PNLIPRP1: variants seen among roughly 807,000 people sequenced by gnomAD.
PNLIPRP1 encodes the protein inactive pancreatic lipase-related protein 1.
Under a neutral mutation model 54.6 loss-of-function variants are expected in PNLIPRP1, and 57 were observed. The ratio of observed to expected loss-of-function variants is 1.04; its 90% CI spans 0.84 to 1.30. The LOEUF is 1.30. PNLIPRP1 is among the 50% of genes most tolerant of loss of function. The probability of loss-of-function intolerance (pLI) is 0.00; values close to 1 mark genes in which losing one functional copy is unlikely to be tolerated. For missense variants in PNLIPRP1, 567 were observed against 568.5 expected (o/e 1.00, Z 0.03); for synonymous variants, 232 against 208.8 (o/e 1.11, Z -0.96).
chr10:116,597,992 T>C (rs782081480), intron 7 of PNLIPRP1, 45 bp downstream of exon 7: 2 of 1,614,170 alleles, frequency 1.2e-6, no homozygotes, highest in East Asian at 4.5e-5. Flanking sequence ...CAACTGTGTT[T>C]TAACCATGAA....
intron 12 of PNLIPRP1, 84 bp downstream of exon 12, chr10:116,605,637 A>C (rs1554865505): frequency 9.4e-7 from 1 of 1,060,868 alleles, no homozygotes; most frequent in East Asian, 2.6e-5. Flanking sequence ...AGTTACGTGT[A>C]GTTAAGCAAG....
At chr10:116,607,694 G>A (rs140816283) in intron 12 of PNLIPRP1, among the ~76,000 whole-genome samples, 1 of 152,314 alleles carries the variant, frequency 6.6e-6, no homozygotes, top group African/African-American at 2.4e-5. Context: ...AGGAAATGGG[G>A]CAAAGCTTCC....
At chr10:116,608,934 G>A (rs919261594) in intron 12 of PNLIPRP1, 119 bp from the exon 13 acceptor site, 2 of 792,392 alleles carry the variant, frequency 2.5e-6, no homozygotes, top group Admixed American at 3.6e-5. Flanking sequence ...CATCAACTGT[G>A]ACCTGGGCTT....
Position 116,604,048 on chromosome 10 carries a change from C to T in PNLIPRP1, c.1082C>T (p.Ser361Phe). ...TGTGCAGGCTGGAGATATGGGGTTT[C>T]CATCACACTGTCTGGAAGAACAGCC... ...SNFARWRYGV[S>F]ITLSGRTATG... The change falls in exon 11 of 13, where the codon TCC becomes TTC. Residue 361 changes from serine to phenylalanine, a missense_variant. By Grantham distance (155) the Ser-to-Phe change is radical. Coordinates refer to ENST00000358834, the MANE Select transcript of PNLIPRP1 (RefSeq NM_006229.4). The T allele has an allele frequency of 1.2e-6, 2 of 1,612,932 alleles. No homozygotes were observed. The highest frequency in any genetic ancestry group is 2.2e-5 in the South Asian group (2 of 90,986).
intron 5 of PNLIPRP1, 123 bp from the exon 6 acceptor site, chr10:116,596,091 G>A (rs1380149280): frequency 4.3e-6 from 3 of 704,426 alleles, no homozygotes; most frequent in Non-Finnish European, 5.1e-6. Context: ...ATGAGTTTGG[G>A]CTTGATCCTG....
chr10:116,607,217 C>G (rs1554865679), intron 12 of PNLIPRP1, among the ~76,000 whole-genome samples: 1 of 151,084 alleles, frequency 6.6e-6, no homozygotes, highest in Non-Finnish European at 1.5e-5. Flanking sequence ...CTCTTTATTT[C>G]TCCGTCCCCC....
intron 7 of PNLIPRP1, 29 bp downstream of exon 7, chr10:116,597,976 C>T (rs1274106643): frequency 2.5e-6 from 4 of 1,614,034 alleles, no homozygotes; most frequent in Non-Finnish European, 1.7e-6. Flanking sequence ...CAGCTGTGAG[C>T]ACGCACAACT....
chr10:116,602,720 T>G (rs1847867827), intron 10 of PNLIPRP1, among the ~76,000 whole-genome samples: 1 of 152,092 alleles, frequency 6.6e-6, no homozygotes, highest in Admixed American at 6.5e-5. Context: ...TGTACATCTG[T>G]GCACATGTGT....
In PNLIPRP1 at chr10:116,601,074, C is replaced by T. The variant is rs1847829151; in HGVS notation, c.936C>T (p.Asp312=). Reference sequence around the variant, plus strand: ...TCCCATCTATCTCTTCTCATTAGGACAAGTGCTTCCCGTGTCCAGATCAAG... The same window carrying T: ...TCCCATCTATCTCTTCTCATTAGGATAAGTGCTTCCCGTGTCCAGATCAAG... ...PCTSYKSFES[D]KCFPCPDQGC... Residue 312 remains aspartate, a splice_region_variant and synonymous_variant, in exon 10 of 13, where the codon GAC becomes GAT. Transcript: ENST00000358834. The T allele has an allele frequency of 2.5e-6, 4 of 1,610,864 alleles. No homozygotes were observed. In the Admixed American group the frequency reaches 5.1e-5, roughly 20 times the overall value.
intron 10 of PNLIPRP1, 49 bp from the exon 11 acceptor site, chr10:116,603,981 C>A: frequency 9.2e-7 from 1 of 1,085,196 alleles, no homozygotes; most frequent in East Asian, 2.4e-5. Flanking sequence ...GGGATGTAGG[C>A]TACTTATTTT....
chr10:116,604,014 T>C lies in PNLIPRP1; in HGVS notation c.1064-16T>C, dbSNP rs782400842. 5 of 1,532,438 alleles carry C rather than the reference T, an allele frequency of 3.3e-6. No homozygotes were observed. Among genetic ancestry groups the C allele is most frequent in the Non-Finnish European group, 4.5e-6 (5 of 1,109,156 alleles). The allele number at this position is 1,532,438 out of a possible 1,614,324, so 94.9% of individuals were successfully genotyped here. On this transcript the variant is annotated splice_polypyrimidine_tract_variant and intron_variant, in intron 10 of 12. Transcript: ENST00000358834. ...TTTGTGTGTGAATAAATTGAACTCT[T>C]CCATCTCCTGTGCAGGCTGGAGATA...
chr10:116,591,643 T>G, intron 2 of PNLIPRP1, 128 bp from the exon 3 acceptor site: 4 of 892,836 alleles, frequency 4.5e-6, no homozygotes, highest in African/African-American at 1.7e-5. Flanking sequence ...GTGGGAGGGG[T>G]TGCAGTAGGT....
chr10:116,592,529 A>C lies in PNLIPRP1; in HGVS notation c.318A>C (p.Thr106=). 4 of 1,614,204 alleles carry C rather than the reference A, an allele frequency of 2.5e-6. No individual in the cohort carries two copies. Among genetic ancestry groups the C allele is most frequent in the Non-Finnish European group, 3.4e-6 (4 of 1,180,026 alleles). ...ACAAAGGAGATGAGAGCTGGGTGAC[A>C]GACATGTGCAAGGTAGGAGCCAGCT... ...FIDKGDESWV[T]DMCKKLFEVE... is the part of the protein sequence containing the mutation. The change falls in exon 4 of 13, where the codon ACA becomes ACC. Residue 106 remains threonine, a synonymous_variant. Transcript: ENST00000358834.
At chr10:116,603,986 T>A in intron 10 of PNLIPRP1, 44 bp from the exon 11 acceptor site, 1 of 1,196,726 alleles carries the variant, frequency 8.4e-7, no homozygotes, top group Admixed American at 1.8e-5. Context: ...GTAGGCTACT[T>A]ATTTTGTGTG....
chr10:116,593,378 CCTTT>C (rs1195892090), intron 4 of PNLIPRP1, among the ~76,000 whole-genome samples: 1 of 152,094 alleles, frequency 6.6e-6, no homozygotes, highest in Non-Finnish European at 1.5e-5. Flanking sequence ...ATACCATCAT[CCTTT>C]CTATTTATGT....
At chr10:116,608,451 G>A (rs530707148) in intron 12 of PNLIPRP1, among the ~76,000 whole-genome samples, 1 of 152,308 alleles carries the variant, frequency 6.6e-6, no homozygotes, top group African/African-American at 2.4e-5. Context: ...AGGAAGGCTT[G>A]ATGTGTGATC....
Position 116,605,550 on chromosome 10 carries a change from C to T in PNLIPRP1, c.1337C>T (p.Thr446Ile), listed in dbSNP as rs782785208. 1 of 1,586,594 alleles carries T rather than the reference C, an allele frequency of 6.3e-7. No individual in the cohort carries two copies. Among genetic ancestry groups the T allele is most frequent in the East Asian group, 2.3e-5 (1 of 44,010 alleles). ...ACTGTGCAAAAGGGAGAAGAGAAGACAGTGTATGTATCTTTGCTGGCTGGT... is the reference window on the plus strand; with the variant it reads ...ACTGTGCAAAAGGGAGAAGAGAAGATAGTGTATGTATCTTTGCTGGCTGGT... ...KITVQKGEEKTVYNFCSEDTV... is the reference protein window; with the variant it reads ...KITVQKGEEKIVYNFCSEDTV... Residue 446 changes from threonine to isoleucine, a missense_variant, in exon 12 of 13, where the codon ACA becomes ATA. Transcript: ENST00000358834.
intron 10 of PNLIPRP1, among the ~76,000 whole-genome samples, chr10:116,602,097 C>A (rs2915758): frequency 6.6e-6 from 1 of 151,184 alleles, no homozygotes; most frequent in South Asian, 2.1e-4. Context: ...CTCACTACAA[C>A]CTCCCCCTCC....
At chr10:116,602,453 C>T (rs1393252878) in intron 10 of PNLIPRP1, among the ~76,000 whole-genome samples, 1 of 152,230 alleles carries the variant, frequency 6.6e-6, no homozygotes, top group Non-Finnish European at 1.5e-5. Context: ...CCTCAATCAA[C>T]ATTTATTTAT....
Sources: allele counts gnomAD v4.1 joint callset (sites outside exome capture counted in the v4.1 genomes callset), GRCh38; gene constraint gnomAD v4.1.1; transcripts MANE v1.5; gene names NCBI Gene and HGNC (gene_info 2026-07-23, HGNC 2026-07-21).